The following SPART variants were observed in gnomAD, a reference collection of about 807,000 sequenced individuals.
The protein encoded by SPART is spastic paraplegia 20 (Troyer syndrome).
Under a neutral mutation model 58.7 loss-of-function variants are expected in SPART, and 35 were observed. The ratio of observed to expected loss-of-function variants is 0.60; its 90% CI spans 0.46 to 0.79. The LOEUF (loss-of-function observed/expected upper bound fraction) is 0.79, where lower values mean the gene tolerates loss of function less well. Among genes scored for constraint, SPART ranks in the 30% least tolerant of loss-of-function variants. The pLI is 0.00. For missense variants in SPART, 730 were observed against 786.1 expected, an observed-to-expected ratio of 0.93 and a Z score of 0.85; for synonymous variants, 284 against 280.7, an observed-to-expected ratio of 1.01 and a Z score of -0.12.
chr13:36,335,963 C>A, intron 1 of SPART, 131 bp from the exon 2 acceptor site: 1 of 721,750 alleles, frequency 1.4e-6, no homozygotes, highest in Non-Finnish European at 2.4e-6. Flanking sequence ...ATTATACTAT[C>A]CTTTAAGCCT....
chr13:36,356,654 T>C (rs1885633302), intron 1 of SPART, among the ~76,000 whole-genome samples: 1 of 152,200 alleles, frequency 6.6e-6, no homozygotes, highest in African/African-American at 2.4e-5. Flanking sequence ...ATGTATTTAA[T>C]TGATGTCTCA....
At chr13:36,338,994 C>A (rs906695495) in intron 1 of SPART, among the ~76,000 whole-genome samples, 4 of 151,888 alleles carry the variant, frequency 2.6e-5, no homozygotes, top group Non-Finnish European at 5.9e-5. Flanking sequence ...GACACACACA[C>A]AGCCCAGGAT....
At chr13:36,367,983 A>G (rs1253961522) in intron 1 of SPART, among the ~76,000 whole-genome samples, 1 of 152,162 alleles carries the variant, frequency 6.6e-6, no homozygotes, top group Non-Finnish European at 1.5e-5. Flanking sequence ...TGTGTTCTCT[A>G]TTCTCATTGC....
chr13:36,316,568 C>A (rs141852191), intron 5 of SPART, among the ~76,000 whole-genome samples: 1 of 152,044 alleles, frequency 6.6e-6, no homozygotes, highest in African/African-American at 2.4e-5. Context: ...GAGCACCTTG[C>A]GACCCCCACT....
intron 1 of SPART, among the ~76,000 whole-genome samples, chr13:36,345,186 A>G (rs1884963644): frequency 6.6e-6 from 1 of 152,140 alleles, no homozygotes; most frequent in African/African-American, 2.4e-5. Context: ...ACACCTGTAT[A>G]CACCTCCCTC....
At chr13:36,324,770 C>T (rs372270284) in intron 5 of SPART, among the ~76,000 whole-genome samples, 11 of 152,094 alleles carry the variant, frequency 7.2e-5, no homozygotes, top group South Asian at 2.1e-4. Flanking sequence ...GGGCTGAGAC[C>T]GAAAAGAGAG....
At chr13:36,308,623 T>C (rs1468064516) in intron 8 of SPART, among the ~76,000 whole-genome samples, 1 of 135,058 alleles carries the variant, frequency 7.4e-6, no homozygotes, top group Non-Finnish European at 1.6e-5. Context: ...AATAAGCTAA[T>C]TGTAGTTAGG....
At chr13:36,320,689 C>G (rs1882283172) in intron 5 of SPART, among the ~76,000 whole-genome samples, 2 of 152,150 alleles carry the variant, frequency 1.3e-5, no homozygotes, top group African/African-American at 4.8e-5. Context: ...CAACATGCCC[C>G]GAGTCAGATA....
At position 36,312,402 on chromosome 13, in the gene SPART, A is replaced by C. The variant is rs2137316291; in HGVS notation, c.1559T>G (p.Leu520Arg). 6.2e-7 allele frequency: 1 copy of C among 1,614,170 alleles called. No homozygotes were observed. Among genetic ancestry groups the C allele is most frequent in the South Asian group, 1.1e-5 (1 of 91,084 alleles). The change falls in exon 7 of 9, where the codon CTT becomes CGT. Residue 520 changes from leucine to arginine, a missense_variant. Transcript: ENST00000438666. ...APHVKKHGSK[L>R]VPESLKKDKD... is the part of the protein sequence containing the mutation. The stretch of plus-strand genomic sequence containing the variant: ...GTCTTTTTTAAGAGATTCTGGAACA[A>C]GTTTGCTTCCATGCTTCTTGACATG...
chr13:36,304,471 T>C lies in SPART; in HGVS notation c.1895A>G (p.Asp632Gly). 3 of 1,614,158 alleles carry C rather than the reference T, an allele frequency of 1.9e-6. No individual in the cohort carries two copies. Among genetic ancestry groups the C allele is most frequent in the South Asian group, 2.2e-5 (2 of 91,078 alleles). The change falls in exon 9 of 9, where the codon GAT (aspartate) becomes GGT (glycine). Residue 632 changes from aspartate (D) to glycine (G), a missense_variant. Asp to Gly is a moderately conservative substitution (Grantham distance 94). Transcript: ENST00000438666. ...HTLLEDYQIV[D>G]NSQRENQEGA... ...TTCTTGATTTTCCCTCTGAGAATTA[T>C]CAACTATCTGATAGTCCTCAAGGAG...
chr13:36,343,963 A>C (rs992962701), intron 1 of SPART, among the ~76,000 whole-genome samples: 1 of 151,752 alleles, frequency 6.6e-6, no homozygotes, highest in African/African-American at 2.4e-5. Context: ...CAGAAGTTCA[A>C]GGTTGCAGTG....
At position 36,334,939 on chromosome 13, in the gene SPART, A is replaced by C; in HGVS notation, c.810+82T>G. ...TTTGTCGTTATCTTTTTGCACTTAT[A>C]CTGGACACATAAACATTAACAAATA... On this transcript the variant is annotated intron_variant, in intron 2 of 8. Transcript: ENST00000438666. 4 of 1,147,650 alleles carry C rather than the reference A, an allele frequency of 3.5e-6. No individual in the cohort carries two copies. The East Asian group carries it at 7.0e-5, about 20-fold the overall frequency. 71.1% of individuals were successfully genotyped at this position (1,147,650 alleles called of 1,614,324 possible).
chr13:36,368,511 C>T (rs1886154448), intron 1 of SPART: 1 of 157,236 alleles, frequency 6.4e-6, no homozygotes, highest in Admixed American at 6.4e-5. Context: ...GCATGCAAGT[C>T]ATACTGTTAG....
intron 5 of SPART, among the ~76,000 whole-genome samples, chr13:36,316,268 T>C (rs1881688141): frequency 1.3e-5 from 2 of 152,230 alleles, no homozygotes; most frequent in African/African-American, 4.8e-5. Context: ...CATTTACAGT[T>C]GTTATTAAAA....
chr13:36,318,927 C>T (rs1882036070), intron 5 of SPART, among the ~76,000 whole-genome samples: 1 of 152,130 alleles, frequency 6.6e-6, no homozygotes, highest in African/African-American at 2.4e-5. Context: ...CTGACACTGC[C>T]CGATCGCCTC....
chr13:36,348,372 A>T (rs556986667), upstream of SPART, among the ~76,000 whole-genome samples: 5 of 152,392 alleles, frequency 3.3e-5, no homozygotes, highest in African/African-American at 9.6e-5. Context: ...ACATTTAAAT[A>T]GAATTTTTTA....
intron 4 of SPART, among the ~76,000 whole-genome samples, chr13:36,327,372 G>A (rs1331142745): frequency 3.3e-5 from 5 of 152,112 alleles, no homozygotes; most frequent in Non-Finnish European, 7.4e-5. Flanking sequence ...GTAACACAAA[G>A]AATGTCACAT....
chr13:36,315,503 AGTTT>A (rs1241286573), intron 5 of SPART, among the ~76,000 whole-genome samples: 2 of 152,228 alleles, frequency 1.3e-5, no homozygotes, highest in African/African-American at 4.8e-5. Flanking sequence ...AAACCACAGC[AGTTT>A]ATTTTAAAAT....
chr13:36,346,052 A>C (rs757727738), intron 1 of SPART, among the ~76,000 whole-genome samples, 173 bp downstream of exon 1: 1 of 152,114 alleles, frequency 6.6e-6, no homozygotes. Flanking sequence ...CTCTCTCGAA[A>C]TCGCTCCCTT....
Sources: allele counts gnomAD v4.1 joint callset (sites outside exome capture counted in the v4.1 genomes callset), GRCh38; gene constraint gnomAD v4.1.1; transcripts MANE v1.5; gene names NCBI Gene and HGNC (gene_info 2026-07-23, HGNC 2026-07-21).